Variants in MKNK2 observed in about 807,000 individuals in gnomAD.
MKNK2 encodes MAPK interacting serine/threonine kinase 2.
Under a neutral mutation model 55.0 loss-of-function variants are expected in MKNK2, and 54 were observed. The observed-to-expected ratio is 0.98, with a 90% CI of 0.79 to 1.23. The LOEUF is 1.23. Ranked by LOEUF, MKNK2 falls within the 50% of genes most tolerant of loss-of-function variation. The pLI is 0.00. For synonymous variants in MKNK2, 323 were observed against 256.0 expected (o/e 1.26, Z -2.50); for missense variants, 685 against 632.1 (o/e 1.08, Z -0.90).
At position 2,046,385 on chromosome 19, in the gene MKNK2, A is replaced by T. The variant is rs1368137666; in HGVS notation, c.223T>A (p.Phe75Ile). The T allele has an allele frequency of 6.2e-7, 1 of 1,608,540 alleles. No homozygotes were observed. The highest frequency in any genetic ancestry group is 1.3e-5 in the African/African-American group (1 of 75,026). ...CGCTCACCTTCAAACCTGCCCGAGA[A>T]GCTGTCGGTGGCCCGGCCGCGCTTC... ...KKKRGRATDS[F>I]SGRFEDVYQL... Residue 75 changes from phenylalanine (F) to isoleucine (I), a missense_variant, in exon 4 of 14, where the codon TTC becomes ATC. Phe to Ile is a conservative substitution (Grantham distance 21, BLOSUM62 0). Transcript: ENST00000250896.
Position 2,038,012 on chromosome 19 carries a change from G to A in MKNK2, c.*1601C>T, listed in dbSNP as rs2016789358. The A allele has an allele frequency of 7.4e-7, 1 of 1,344,170 alleles. No individual in the cohort carries two copies. Among genetic ancestry groups the A allele is most frequent in the Non-Finnish European group, 9.6e-7 (1 of 1,040,038 alleles). The allele number at this position is 1,344,170 out of a possible 1,614,324, so 83.3% of individuals were successfully genotyped here. On this transcript the variant is annotated 3_prime_UTR_variant, in exon 14 of 14. Coordinates refer to ENST00000250896, the MANE Select transcript of MKNK2 (RefSeq NM_199054.3). ...GACAGGCGAGAAGTGATGGGGGAAA[G>A]GGGTGGGCGGAATGCCCCACCCCCC...
At position 2,041,972 on chromosome 19, in the gene MKNK2, G is replaced by C. The variant is rs766680199; in HGVS notation, c.813C>G (p.Ile271Met). The change falls in exon 11 of 14, where the codon ATC becomes ATG. Residue 271 changes from isoleucine to methionine, a missense_variant. Transcript: ENST00000250896. The part of the protein sequence containing the change: ...VVEAFSEEAS[I>M]YDKRCDLWSL... ...TCCACAGGTCGCAGCGCTTGTCGTA[G>C]ATGCTAGCCTCCTCGCTGAAGGCCT... 12 of 1,561,784 alleles carry C rather than the reference G, an allele frequency of 7.7e-6. No homozygotes were observed. Among genetic ancestry groups the C allele is most frequent in the Non-Finnish European group, 9.5e-6 (11 of 1,153,656 alleles).
chr19:2,044,239 C>T (rs1478216812), intron 5 of MKNK2, among the ~76,000 whole-genome samples: 1 of 152,196 alleles, frequency 6.6e-6, no homozygotes, highest in Non-Finnish European at 1.5e-5. Context: ...CCAGGCCCCA[C>T]CTCACATGTG....
In MKNK2 at chr19:2,039,435, GAAA is replaced by G; in HGVS notation, c.*175_*177del. 1 of 1,329,508 alleles carries G rather than the reference GAAA, an allele frequency of 7.5e-7. No individual in the cohort carries two copies. The highest frequency in any genetic ancestry group is 9.7e-7 in the Non-Finnish European group (1 of 1,026,286). The allele number at this position is 1,329,508 out of a possible 1,614,324, so 82.4% of individuals were successfully genotyped here. ...AAATAACGGGGAGGGGTGGAAACAG[GAAA>G]AAAAAAACCCAAAAGCAAAAACCTT... On this transcript the variant is annotated 3_prime_UTR_variant, in exon 14 of 14. Coordinates refer to ENST00000250896, the MANE Select transcript of MKNK2 (RefSeq NM_199054.3).
intron 2 of MKNK2, among the ~76,000 whole-genome samples, chr19:2,050,554 C>A (rs2017092792): frequency 6.6e-6 from 1 of 152,330 alleles, no homozygotes; most frequent in East Asian, 1.9e-4. Flanking sequence ...CTGCTCCCAG[C>A]CTCACTTGGG....
In MKNK2 at chr19:2,039,861, G is replaced by T. The variant is rs771674217; in HGVS notation, c.1155-5C>A. On this transcript the variant is annotated splice_region_variant and splice_polypyrimidine_tract_variant and intron_variant, in intron 13 of 13. Transcript: ENST00000250896. ...AGGTCTTTGGCACAGCTGTTCCTGG[G>T]AAACGGGGTGGGGGTAGGTGGTCAC... 5 of 1,588,366 alleles carry T rather than the reference G, an allele frequency of 3.1e-6. No individual in the cohort carries two copies. Among genetic ancestry groups the T allele is most frequent in the Non-Finnish European group, 3.4e-6 (4 of 1,169,612 alleles).
intron 10 of MKNK2, 24 bp downstream of exon 10, chr19:2,042,403 C>T: frequency 6.4e-7 from 1 of 1,553,438 alleles, no homozygotes; most frequent in South Asian, 1.2e-5. Flanking sequence ...GGCCGAGCCC[C>T]CAGCCCTCCC....
rs756032398 is a variant in MKNK2, at chr19:2,046,406, GCTT to G, written c.199_201del (p.Lys67del). ...GAGAAGCTGTCGGTGGCCCGGCCGCGCTTCTTCTTCTTGCCCCTCTTCTTGGCG... is the reference window on the plus strand; with the variant it reads ...GAGAAGCTGTCGGTGGCCCGGCCGCGCTTCTTCTTGCCCCTCTTCTTGGCG... On this transcript the variant is annotated inframe_deletion, in exon 4 of 14. Coordinates refer to ENST00000250896, the MANE Select transcript of MKNK2 (RefSeq NM_199054.3). 2.0e-5 allele frequency: 32 copies of G among 1,608,746 alleles called. No individual in the cohort carries two copies. Among genetic ancestry groups the G allele is most frequent in the Non-Finnish European group, 2.3e-5 (27 of 1,179,818 alleles).
Position 2,038,298 on chromosome 19 carries a change from C to T in MKNK2, c.*1315G>A, listed in dbSNP as rs948205372. The stretch of plus-strand genomic sequence containing the variant: ...ACTAAACAGGAGGAAGAATCCCGAC[C>T]GCGGATTTAGAAGCCAGAGGGGCTG... On this transcript the variant is annotated 3_prime_UTR_variant, in exon 14 of 14. Coordinates refer to ENST00000250896, the MANE Select transcript of MKNK2 (RefSeq NM_199054.3). 17 of 986,412 alleles carry T rather than the reference C, an allele frequency of 1.7e-5. No homozygotes were observed. Among genetic ancestry groups the T allele is most frequent in the Admixed American group, 6.1e-5 (1 of 16,360 alleles). 61.1% of individuals were successfully genotyped at this position (986,412 alleles called of 1,614,324 possible).
rs577423373 is a variant in MKNK2, at chr19:2,042,815, G to A, written c.549C>T (p.Ser183=). 6.3e-7 allele frequency: 1 copy of A among 1,581,288 alleles called. No homozygotes were observed. ...KRRHFNELEA[S]VVVQDVASAL... is the part of the protein sequence containing the mutation. ...CGCTGGCCACGTCCTGCACCACCAC[G>A]CTGGCCTCCAGCTCGTTGAAGTGCC... The change falls in exon 8 of 14, where the codon AGC becomes AGT. Residue 183 remains serine (S), a synonymous_variant. Coordinates refer to ENST00000250896, the MANE Select transcript of MKNK2 (RefSeq NM_199054.3).
rs2017110390 is a variant in MKNK2, at chr19:2,051,143, C to G, written c.-144G>C. The G allele has an allele frequency of 1.2e-5, 2 of 169,260 alleles. No individual in the cohort carries two copies. Among genetic ancestry groups the G allele is most frequent in the South Asian group, 3.4e-4 (2 of 5,802 alleles). 10.5% of individuals were successfully genotyped at this position (169,260 alleles called of 1,614,324 possible). ...CCGCAGTGCCGCCGCCGCCCCACGT[C>G]GCGCAGCCCGGACCCCGCTCCGCGG... On this transcript the variant is annotated 5_prime_UTR_variant, in exon 1 of 14. Transcript: ENST00000250896.
intron 2 of MKNK2, 61 bp downstream of exon 2, chr19:2,050,740 C>T (rs941772358): frequency 1.4e-5 from 21 of 1,471,738 alleles, no homozygotes; most frequent in Non-Finnish European, 1.9e-5. Flanking sequence ...CCCCGCGCCC[C>T]CCACGCCGGC....
chr19:2,040,293 A>C (rs1480466180), intron 12 of MKNK2, 116 bp from the exon 13 acceptor site: 6 of 942,166 alleles, frequency 6.4e-6, no homozygotes, highest in East Asian at 5.5e-5. Context: ...ACCCCACCGG[A>C]GACCAGGAGT....
chr19:2,042,297 CA>C, intron 10 of MKNK2, 129 bp downstream of exon 10: 1 of 882,426 alleles, frequency 1.1e-6, no homozygotes, highest in Non-Finnish European at 1.7e-6. Flanking sequence ...CCCGCCCAAC[CA>C]ATCAGCGGCT....
chr19:2,044,648 C>T (rs1484061251), intron 5 of MKNK2, among the ~76,000 whole-genome samples: 1 of 152,244 alleles, frequency 6.6e-6, no homozygotes, highest in Non-Finnish European at 1.5e-5. Flanking sequence ...GCTCCTGCCT[C>T]TGCAGTCCCA....
rs777484977 is a variant in MKNK2, at chr19:2,042,750, C to T, written c.598+16G>A. 47 of 1,557,678 alleles carry T rather than the reference C, an allele frequency of 3.0e-5. No homozygotes were observed. Among genetic ancestry groups the T allele is most frequent in the African/African-American group, 2.0e-4 (15 of 73,768 alleles). On this transcript the variant is annotated intron_variant, in intron 8 of 13. Transcript: ENST00000250896. ...GCAGGCGGCCCTAGGAGACTCCGGG[C>T]GGGGTCACCACCTACCTTTGTTATG...
rs777948912 is a variant in MKNK2 at position 2,041,090 on chromosome 19, T to G, written c.1060A>C (p.Lys354Gln). 6 of 1,613,862 alleles carry G rather than the reference T, an allele frequency of 3.7e-6. No homozygotes were observed. Among genetic ancestry groups the G allele is most frequent in the East Asian group, 2.2e-5 (1 of 44,874 alleles). Reference sequence around the variant, plus strand: ...ACTTGGGCGGCACTCAGCCTCTGCTTGGCGTCACGGACCAGCAGCTTGGAG... The same window carrying G: ...ACTTGGGCGGCACTCAGCCTCTGCTGGGCGTCACGGACCAGCAGCTTGGAG... ...LISKLLVRDAKQRLSAAQVLQ... is the reference protein window; with the variant it reads ...LISKLLVRDAQQRLSAAQVLQ... The change falls in exon 12 of 14, where the codon AAG becomes CAG. Residue 354 changes from lysine (K) to glutamine (Q), a missense_variant. Coordinates refer to ENST00000250896, the MANE Select transcript of MKNK2 (RefSeq NM_199054.3).
Position 2,042,365 on chromosome 19 carries a change from C to CGCGAGGTTG in MKNK2, c.750+61_750+62insCAACCTCGC, listed in dbSNP as rs2016907565. The CGCGAGGTTG allele has an allele frequency of 1.4e-5, 20 of 1,435,412 alleles. No individual in the cohort carries two copies. The Admixed American group carries it at 1.6e-4, about 11-fold the overall frequency. The allele number at this position is 1,435,412 out of a possible 1,614,324, so 88.9% of individuals were successfully genotyped here. ...TGGAGCTGCTGGATGGCCCAGGCTCCGCGAGGTTATGCAACCGCAGAGCAG... is the reference window on the plus strand; with the variant it reads ...TGGAGCTGCTGGATGGCCCAGGCTCCGCGAGGTTGGCGAGGTTATGCAACCGCAGAGCAG... On this transcript the variant is annotated intron_variant, in intron 10 of 13. Transcript: ENST00000250896.
intron 11 of MKNK2, 117 bp from the exon 12 acceptor site, chr19:2,041,321 C>T (rs117268071): frequency 1.6e-5 from 17 of 1,043,652 alleles, no homozygotes; most frequent in African/African-American, 4.8e-5. Flanking sequence ...AGACCACGCA[C>T]GCCTGGGGCA....
Sources: allele counts gnomAD v4.1 joint callset (sites outside exome capture counted in the v4.1 genomes callset), GRCh38; gene constraint gnomAD v4.1.1; transcripts MANE v1.5; gene names NCBI Gene and HGNC (gene_info 2026-07-23, HGNC 2026-07-21).